HSD11B2: variants seen among roughly 807,000 people sequenced by gnomAD.
HSD11B2 encodes the protein 11-beta-hydroxysteroid dehydrogenase type 2.
Under a neutral mutation model 20.9 loss-of-function variants are expected in HSD11B2, and 17 were observed. The observed-to-expected ratio is 0.81, with a 90% CI of 0.56 to 1.22. The LOEUF is 1.22. Ranked by LOEUF, HSD11B2 falls within the 50% of genes most tolerant of loss-of-function variation. The pLI, the probability that HSD11B2 is intolerant of heterozygous loss-of-function variation, is 0.00. For synonymous variants in HSD11B2, 253 were observed against 255.4 expected (o/e 0.99, Z 0.09); for missense variants, 480 against 563.6 (o/e 0.85, Z 1.50).
At position 67,431,397 on chromosome 16, in the gene HSD11B2, G is replaced by A. The variant is rs2040932170; in HGVS notation, c.149G>A (p.Arg50His). 1.6e-6 allele frequency: 2 copies of A among 1,269,504 alleles called. No homozygotes were observed. The highest frequency in any genetic ancestry group is 1.6e-5 in the African/African-American group (1 of 63,316). 78.6% of individuals were successfully genotyped at this position (1,269,504 alleles called of 1,614,324 possible). The change falls in exon 1 of 5, where the codon CGC becomes CAC. Residue 50 changes from arginine (R) to histidine (H), a missense_variant. Transcript: ENST00000326152. ...LLAALDWLCQ[R>H]LLPPPAALAV... is the part of the protein sequence containing the mutation. ...GCCGCGCTCGACTGGCTGTGCCAGC[G>A]CCTGCTGCCCCCGCCGGCCGCACTC... is the stretch of plus-strand genomic sequence containing the variant.
intron 1 of HSD11B2, among the ~76,000 whole-genome samples, chr16:67,433,773 C>T (rs1245859538): frequency 6.6e-6 from 1 of 152,024 alleles, no homozygotes; most frequent in Non-Finnish European, 1.5e-5. Flanking sequence ...GGGAAGTACC[C>T]CTCCTCAGCA....
intron 1 of HSD11B2, among the ~76,000 whole-genome samples, chr16:67,433,824 G>A (rs2040951170): frequency 6.6e-6 from 1 of 152,022 alleles, no homozygotes; most frequent in Non-Finnish European, 1.5e-5. Context: ...TTCAGTAGAG[G>A]GAGTGGAGCT....
intron 1 of HSD11B2, among the ~76,000 whole-genome samples, chr16:67,434,438 A>C (rs1360475417): frequency 6.6e-6 from 1 of 152,122 alleles, no homozygotes; most frequent in Non-Finnish European, 1.5e-5. Context: ...CAGCCCTGGG[A>C]AGGTTTGTAG....
intron 1 of HSD11B2, among the ~76,000 whole-genome samples, chr16:67,433,658 G>A (rs1308261625): frequency 1.3e-5 from 2 of 149,958 alleles, no homozygotes; most frequent in African/African-American, 2.5e-5. Context: ...AGGGGGACCC[G>A]GACAAGTGCA....
At chr16:67,435,443 G>A in intron 1 of HSD11B2, 185 bp from the exon 2 acceptor site, 1 of 688,410 alleles carries the variant, frequency 1.5e-6, no homozygotes, top group Non-Finnish European at 2.6e-6. Context: ...CAGAGTTACT[G>A]CCCAGGGCTC....
At chr16:67,433,371 A>G (rs2040946261) in intron 1 of HSD11B2, among the ~76,000 whole-genome samples, 2 of 151,750 alleles carry the variant, frequency 1.3e-5, no homozygotes, top group Admixed American at 1.3e-4. Flanking sequence ...TGCCAAGGCT[A>G]CTCCTGGAGC....
Position 67,436,967 on chromosome 16 carries a change from C to T in HSD11B2, c.1182C>T (p.Asn394=), listed in dbSNP as rs767979871. The T allele has an allele frequency of 1.2e-6, 2 of 1,610,986 alleles. No individual in the cohort carries two copies. The highest frequency in any genetic ancestry group is 2.2e-5 in the South Asian group (2 of 91,080). Residue 394 remains asparagine (N), a synonymous_variant, in exon 5 of 5, where the codon AAC becomes AAT. Transcript: ENST00000326152. This position sits in a 1 kb window ranked among gnomAD's most constrained non-coding sequence, Gnocchi z 5.7. ...TPPQDAAQDP[N]LSPGPSPAVA... Reference sequence around the variant, plus strand: ...CACAGGACGCAGCCCAGGACCCAAACCTGAGCCCCGGCCCTTCCCCAGCAG... The same window carrying T: ...CACAGGACGCAGCCCAGGACCCAAATCTGAGCCCCGGCCCTTCCCCAGCAG...
rs2040979470 is a variant in HSD11B2, at chr16:67,436,817, G to A, written c.1032G>A (p.Leu344=). 1.2e-6 allele frequency: 2 copies of A among 1,613,776 alleles called. No individual in the cohort carries two copies. Among genetic ancestry groups the A allele is most frequent in the Non-Finnish European group, 1.7e-6 (2 of 1,180,024 alleles). The stretch of plus-strand genomic sequence containing the variant: ...GCCGCTATTACCCCGGCCAGGGCCT[G>A]GGGCTCATGTACTTCATCCACTACT... ...PRRRYYPGQG[L]GLMYFIHYYL... is the part of the protein sequence containing the mutation. Residue 344 remains leucine, a synonymous_variant, in exon 5 of 5, where the codon CTG becomes CTA. Transcript: ENST00000326152. This position sits in a 1 kb window ranked among gnomAD's most constrained non-coding sequence, Gnocchi z 5.7.
Position 67,436,087 on chromosome 16 carries a change from C to G in HSD11B2, c.609C>G (p.Leu203=). The G allele has an allele frequency of 6.2e-7, 1 of 1,614,168 alleles. No homozygotes were observed. The highest frequency in any genetic ancestry group is 8.5e-7 in the Non-Finnish European group (1 of 1,180,040). Residue 203 remains leucine (L), a synonymous_variant, in exon 3 of 5, where the codon CTC becomes CTG. Transcript: ENST00000326152. The surrounding 1 kb of genome is among the most constrained non-coding windows in gnomAD (Gnocchi z 5.7). ...GCGCGCTCGAGCTGACCAAGGGCCT[C>G]CTGCCCCTGCTGCGCAGCTCAAGGG... ...FFGALELTKG[L]LPLLRSSRGR...
At chr16:67,432,261 G>A (rs900232373) in intron 1 of HSD11B2, among the ~76,000 whole-genome samples, 1 of 128,366 alleles carries the variant, frequency 7.8e-6, no homozygotes, top group South Asian at 2.4e-4. Context: ...GAAGGGGAAG[G>A]GGGGGGGGGG....
intron 1 of HSD11B2, among the ~76,000 whole-genome samples, chr16:67,432,470 T>G (rs1192419218): frequency 6.6e-6 from 1 of 152,052 alleles, no homozygotes; most frequent in Non-Finnish European, 1.5e-5. Flanking sequence ...AGGGGCCCTG[T>G]GTGATCAGAT....
chr16:67,431,268 CG>C lies in HSD11B2; in HGVS notation c.21del (p.Ser8ArgfsTer109). The C allele has an allele frequency of 7.9e-7, 1 of 1,262,552 alleles. No homozygotes were observed. The highest frequency in any genetic ancestry group is 1.0e-6 in the Non-Finnish European group (1 of 993,712). 78.2% of individuals were successfully genotyped at this position (1,262,552 alleles called of 1,614,324 possible). A position where few individuals can be genotyped will look rare whatever the true frequency, so the allele number is the denominator to read the frequency against. On this transcript the variant is annotated frameshift_variant, in exon 1 of 5. Transcript: ENST00000326152. LOFTEE classifies it high-confidence loss of function. Reference protein sequence around the residue: MERWPWPSGGAWLLVAA... With the variant: MERWPWXSGGAWLLVAA... ...GCCGCCATGGAGCGCTGGCCTTGGC[CG>C]TCGGGCGGCGCCTGGCTGCTCGTGG...
chr16:67,432,939 G>A (rs1351454362), intron 1 of HSD11B2: 1 of 152,216 alleles, frequency 6.6e-6, no homozygotes, highest in Non-Finnish European at 1.5e-5. Context: ...GGACAGGGCA[G>A]ATCCCTTCCT....
chr16:67,431,394 A>G lies in HSD11B2; in HGVS notation c.146A>G (p.Gln49Arg). ...ALLAALDWLC[Q>R]RLLPPPAALA... ...CTGGCCGCGCTCGACTGGCTGTGCC[A>G]GCGCCTGCTGCCCCCGCCGGCCGCA... The change falls in exon 1 of 5, where the codon CAG becomes CGG. Residue 49 changes from glutamine (Q) to arginine (R), a missense_variant. Gln to Arg is a conservative substitution (Grantham distance 43). Transcript: ENST00000326152. 1 of 1,267,708 alleles carries G rather than the reference A, an allele frequency of 7.9e-7. No homozygotes were observed. Among genetic ancestry groups the G allele is most frequent in the Non-Finnish European group, 9.9e-7 (1 of 1,006,146 alleles). 78.5% of individuals were successfully genotyped at this position (1,267,708 alleles called of 1,614,324 possible).
chr16:67,431,204 C>A lies in HSD11B2; in HGVS notation c.-45C>A. 9.1e-7 allele frequency: 1 copy of A among 1,103,396 alleles called. No homozygotes were observed. The highest frequency in any genetic ancestry group is 1.1e-6 in the Non-Finnish European group (1 of 895,456). 68.4% of individuals were successfully genotyped at this position (1,103,396 alleles called of 1,614,324 possible). On this transcript the variant is annotated 5_prime_UTR_variant, in exon 1 of 5. Transcript: ENST00000326152. ...CCTAGAAGCTCTCTCTCCCCGCTCCCCGGCCCGGCCCCCGCCCCGCCCCGC... is the reference window on the plus strand; with the variant it reads ...CCTAGAAGCTCTCTCTCCCCGCTCCACGGCCCGGCCCCCGCCCCGCCCCGC...
chr16:67,435,918 G>A (rs1488240764), intron 2 of HSD11B2, 39 bp from the exon 3 acceptor site: 2 of 1,613,936 alleles, frequency 1.2e-6, no homozygotes, highest in Admixed American at 1.7e-5. Context: ...TTGCTGCTGG[G>A]CTGACCTAAG....
chr16:67,436,402 GGGGGT>G lies in HSD11B2; in HGVS notation c.802+26_802+30del. Reference sequence around the variant, plus strand: ...TTCAAGACAGGTGGGAATCAGGGCTGGGGGTGGGGTGGGGGTGGGGAATGGGGCTG... The same window carrying G: ...TTCAAGACAGGTGGGAATCAGGGCTGGGGGTGGGGGTGGGGAATGGGGCTG... On this transcript the variant is annotated intron_variant, in intron 4 of 4. Transcript: ENST00000326152. This position sits in a 1 kb window ranked among gnomAD's most constrained non-coding sequence, Gnocchi z 5.7. 4 of 1,593,394 alleles carry G rather than the reference GGGGGT, an allele frequency of 2.5e-6. No individual in the cohort carries two copies. The highest frequency in any genetic ancestry group is 2.6e-6 in the Non-Finnish European group (3 of 1,165,896).
intron 1 of HSD11B2, chr16:67,432,727 A>T (rs2040942437): frequency 6.6e-6 from 1 of 152,312 alleles, no homozygotes; most frequent in South Asian, 2.1e-4. Flanking sequence ...GCTGAGGCAG[A>T]GTAGGGGGGA....
At position 67,436,482 on chromosome 16, in the gene HSD11B2, G is replaced by C; in HGVS notation, c.802+96G>C. On this transcript the variant is annotated intron_variant, in intron 4 of 4. Coordinates refer to ENST00000326152, the MANE Select transcript of HSD11B2 (RefSeq NM_000196.4). The surrounding 1 kb of genome is among the most constrained non-coding windows in gnomAD (Gnocchi z 5.7). ...AGGTTTGATGAATGGTCATGGTTTT[G>C]GTTGGGGGTGTAGTTTTGGCTGCAG... 1 of 1,541,064 alleles carries C rather than the reference G, an allele frequency of 6.5e-7. No homozygotes were observed. The highest frequency in any genetic ancestry group is 8.8e-7 in the Non-Finnish European group (1 of 1,134,396).
Sources: allele counts gnomAD v4.1 joint callset (sites outside exome capture counted in the v4.1 genomes callset), GRCh38; gene constraint gnomAD v4.1.1; non-coding constraint Gnocchi (gnomAD v3.1); transcripts MANE v1.5; gene names NCBI Gene and HGNC (gene_info 2026-07-23, HGNC 2026-07-21).